PLD3: variants seen among roughly 807,000 people sequenced by gnomAD.
The protein encoded by PLD3 is phospholipase D family member 3.
In PLD3, 31 loss-of-function variants were observed where a neutral mutation model predicts 58.4. The ratio of observed to expected loss-of-function variants is 0.53; its 90% confidence interval spans 0.40 to 0.72. The LOEUF is 0.72. PLD3 is among the 30% of genes least tolerant of loss of function. The pLI is 0.00. For synonymous variants in PLD3, 264 were observed against 273.4 expected (o/e 0.97, Z 0.34); for missense variants, 595 against 659.8 (o/e 0.90, Z 1.08).
chr19:40,365,335 A>G lies in PLD3; in HGVS notation c.-278-383A>G, dbSNP rs542429012. 3.9e-5 allele frequency among the ~76,000 whole-genome samples: 6 copies of G among 152,318 alleles called. No homozygotes were observed. The South Asian group carries it at 1.2e-3, about 32-fold the overall frequency. On this transcript the variant is annotated intron_variant, in intron 1 of 12. Transcript: ENST00000409735. The stretch of plus-strand genomic sequence containing the variant: ...AATTTTTTTAAATCCCTACCAAAAT[A>G]TCAGCTGGCTTTTTTTAAAAAATCA...
intron 1 of PLD3, among the ~76,000 whole-genome samples, chr19:40,349,703 A>G (rs2078439008): frequency 6.6e-6 from 1 of 152,164 alleles, no homozygotes; most frequent in African/African-American, 2.4e-5. Flanking sequence ...TCATGCCTGT[A>G]ATCCCAGCAC....
At chr19:40,374,699 G>A in intron 10 of PLD3, 79 bp downstream of exon 10, 1 of 1,518,430 alleles carries the variant, frequency 6.6e-7, no homozygotes, top group Non-Finnish European at 9.1e-7. Flanking sequence ...CCAGAAAGCT[G>A]GTGGGGGCTC....
intron 1 of PLD3, among the ~76,000 whole-genome samples, chr19:40,352,324 A>T (rs1486806973): frequency 6.6e-6 from 1 of 152,078 alleles, no homozygotes; most frequent in Non-Finnish European, 1.5e-5. Context: ...GGGAAATGCT[A>T]ACGGAATTTT....
rs371872808 is a variant in PLD3 at position 40,367,665 on chromosome 19, C to T, written c.246-31C>T. The T allele has an allele frequency of 6.8e-5, 108 of 1,581,668 alleles. No homozygotes were observed. The Middle Eastern group carries it at 8.4e-4, about 12-fold the overall frequency. ...CCTCCCAGCCCTTGCTCTCCGGCAC[C>T]GTATGGCTGATAGCATCCCCCACCC... On this transcript the variant is annotated intron_variant, in intron 5 of 12. Transcript: ENST00000409735.
At chr19:40,361,307 C>G (rs1368278220) in intron 1 of PLD3, among the ~76,000 whole-genome samples, 1 of 152,164 alleles carries the variant, frequency 6.6e-6, no homozygotes, top group African/African-American at 2.4e-5. Context: ...GACAGGGTTT[C>G]TCCATGTTGG....
In PLD3 at chr19:40,367,681, T is replaced by A; in HGVS notation, c.246-15T>A. The A allele has an allele frequency of 4.4e-6, 7 of 1,592,046 alleles. No homozygotes were observed. The highest frequency in any genetic ancestry group is 6.0e-6 in the Non-Finnish European group (7 of 1,163,862). ...CTCCGGCACCGTATGGCTGATAGCA[T>A]CCCCCACCCCCCAGAGCAGTGCTGG... On this transcript the variant is annotated splice_polypyrimidine_tract_variant and intron_variant, in intron 5 of 12. Coordinates refer to ENST00000409735, the MANE Select transcript of PLD3 (RefSeq NM_012268.4).
intron 9 of PLD3, 63 bp from the exon 10 acceptor site, chr19:40,374,416 ATG>A: frequency 6.3e-7 from 1 of 1,577,544 alleles, no homozygotes; most frequent in Non-Finnish European, 8.7e-7. Context: ...AGCTGTCCGT[ATG>A]TGGGGTCCGT....
rs58157604 is a variant in PLD3 at position 40,372,633 on chromosome 19, ATT to A, written c.879+775_879+776del. On this transcript the variant is annotated intron_variant, in intron 9 of 12. Coordinates refer to ENST00000409735, the MANE Select transcript of PLD3 (RefSeq NM_012268.4). ...ACATAGGGAGACATCATTTCTTTCT[ATT>A]TTTTTTTTTTTTTTGGTCTTATTAT... 4.3e-3 allele frequency among the ~76,000 whole-genome samples: 613 copies of A among 141,646 alleles called. 1 individual carries two copies. The highest frequency in any genetic ancestry group is 8.8e-3 in the East Asian group (43 of 4,882). 92.9% of individuals were successfully genotyped at this position (141,646 alleles called of 152,430 possible).
Position 40,378,120 on chromosome 19 carries a change from C to T in PLD3, c.1420C>T (p.His474Tyr). 1 of 1,613,892 alleles carries T rather than the reference C, an allele frequency of 6.2e-7. No individual in the cohort carries two copies. Among genetic ancestry groups the T allele is most frequent in the Non-Finnish European group, 8.5e-7 (1 of 1,179,870 alleles). ...GAGGGACTGGGACTCCCCTTACAGC[C>T]ATGACCTTGACACCTCAGCTGACAG... is the stretch of plus-strand genomic sequence containing the variant. Reference protein sequence around the residue: ...FLRDWDSPYSHDLDTSADSVG... With the variant: ...FLRDWDSPYSYDLDTSADSVG... The change falls in exon 13 of 13, where the codon CAT (histidine) becomes TAT (tyrosine). Residue 474 changes from histidine to tyrosine, a missense_variant. His to Tyr is a moderately conservative substitution (Grantham distance 83). Transcript: ENST00000409735.
chr19:40,359,154 G>T (rs980264249), intron 1 of PLD3: 2 of 152,424 alleles, frequency 1.3e-5, no homozygotes, highest in African/African-American at 4.8e-5. Context: ...AGGTTCAAGC[G>T]ATTCTCCTGC....
chr19:40,366,576 C>A (rs747342934), intron 3 of PLD3, 34 bp from the exon 4 acceptor site: 84 of 1,583,920 alleles, frequency 5.3e-5, no homozygotes, highest in Non-Finnish European at 6.9e-5. Context: ...TCCCAAGAGC[C>A]ACCTGTCACC....
At position 40,370,148 on chromosome 19, in the gene PLD3, C is replaced by T. The variant is rs774050277; in HGVS notation, c.589C>T (p.His197Tyr). The change falls in exon 8 of 13, where the codon CAT (histidine) becomes TAT (tyrosine). Residue 197 changes from histidine (H) to tyrosine (Y), a missense_variant. Transcript: ENST00000409735. ...CATGGTGGACATGCAGAAGCTGACC[C>T]ATGGCGTCCTGCATACCAAGTTCTG... ...VRMVDMQKLT[H>Y]GVLHTKFWVV... is the part of the protein sequence containing the mutation. 45 of 1,613,716 alleles carry T rather than the reference C, an allele frequency of 2.8e-5. No individual in the cohort carries two copies. In the East Asian group the frequency reaches 9.8e-4, roughly 35 times the overall value.
In PLD3 at chr19:40,366,318, C is replaced by T. The variant is rs1006398430; in HGVS notation, c.-65-101C>T. 65 of 679,580 alleles carry T rather than the reference C, an allele frequency of 9.6e-5. No individual in the cohort carries two copies. The East Asian group carries it at 1.7e-3, about 17-fold the overall frequency. 42.1% of individuals were successfully genotyped at this position (679,580 alleles called of 1,614,324 possible). A position where few individuals can be genotyped will look rare whatever the true frequency, so the allele number is the denominator to read the frequency against. On this transcript the variant is annotated intron_variant, in intron 2 of 12. Coordinates refer to ENST00000409735, the MANE Select transcript of PLD3 (RefSeq NM_012268.4). ...GGGTGGTGGGCAGTGTGCCAGTGGC[C>T]CCCATGATTATGAATAGCCCCAAGA... is the stretch of plus-strand genomic sequence containing the variant.
Position 40,367,725 on chromosome 19 carries a change from GC to G in PLD3, c.277del (p.Leu93TrpfsTer67). On this transcript the variant is annotated frameshift_variant, in exon 6 of 13. Transcript: ENST00000409735. LOFTEE classifies it high-confidence loss of function. ...GTGCTGGTGGAAAGCATTCCTGAGG[GC>G]CTGGACTTCCCCAATGCCTCCACGG... ...EAVLVESIPE[G>X]LDFPNASTGN... is the part of the protein sequence containing the mutation. 1 of 1,613,456 alleles carries G rather than the reference GC, an allele frequency of 6.2e-7. No individual in the cohort carries two copies. The highest frequency in any genetic ancestry group is 8.5e-7 in the Non-Finnish European group (1 of 1,179,578).
At chr19:40,349,914 C>T (rs1166813555) in intron 1 of PLD3, among the ~76,000 whole-genome samples, 72 of 137,810 alleles carry the variant, frequency 5.2e-4, no homozygotes, top group Middle Eastern at 5.2e-3. Flanking sequence ...GCCGAGATCG[C>T]GCCATTGCAC....
intron 1 of PLD3, among the ~76,000 whole-genome samples, chr19:40,355,637 T>TC (rs1491276716): frequency 8.0e-6 from 1 of 125,002 alleles, no homozygotes; most frequent in East Asian, 2.5e-4. Flanking sequence ...TTTTTTTTTT[T>TC]CCTGCAATCT....
At chr19:40,354,631 T>C (rs2078606384) in intron 1 of PLD3, among the ~76,000 whole-genome samples, 1 of 152,070 alleles carries the variant, frequency 6.6e-6, no homozygotes, top group Admixed American at 6.6e-5. Flanking sequence ...GTTCCAGTAG[T>C]TCTCCTGCCT....
At chr19:40,376,363 A>AAAAG (rs112703240) in intron 10 of PLD3, 264,588 of 380,736 alleles carry the variant, frequency 0.69, 86,465 homozygotes, top group Admixed American at 0.78. Flanking sequence ...CTCAAAAAAA[A>AAAAG]AAAGAAAGAA....
intron 1 of PLD3, among the ~76,000 whole-genome samples, chr19:40,352,982 G>T (rs2078555696): frequency 6.6e-6 from 1 of 152,074 alleles, no homozygotes; most frequent in South Asian, 2.1e-4. Context: ...AATCAAAAAT[G>T]AATGCAAGAA....
Sources: gnomAD v4.1 joint callset for allele counts (sites outside exome capture counted in the v4.1 genomes callset) on GRCh38, gnomAD v4.1.1 for gene constraint, MANE v1.5 for transcripts, NCBI Gene and HGNC (gene_info 2026-07-23, HGNC 2026-07-21) for gene names.